The following LMBRD1 variants were observed in gnomAD, a reference collection of about 807,000 sequenced individuals.
LMBRD1 encodes LMBR1 domain containing 1, also known as lysosomal cobalamin transport escort protein LMBD1.
In LMBRD1, 64 loss-of-function variants were observed where a neutral mutation model predicts 74.8. That is an observed-to-expected ratio of 0.86 (90% CI 0.70 to 1.05). The LOEUF is 1.05. LMBRD1 is among the 50% of genes least tolerant of loss of function. The pLI, the probability that LMBRD1 is intolerant of heterozygous loss-of-function variation, is 0.00. For missense variants in LMBRD1, 652 were observed against 645.9 expected, an observed-to-expected ratio of 1.01 and a Z score of -0.10; for synonymous variants, 204 against 216.3, an observed-to-expected ratio of 0.94 and a Z score of 0.50.
At chr6:69,714,294 T>C (rs1401439479) in intron 8 of LMBRD1, among the ~76,000 whole-genome samples, 1 of 151,952 alleles carries the variant, frequency 6.6e-6, no homozygotes, top group African/African-American at 2.4e-5. Flanking sequence ...ATACAGAGGT[T>C]TTTGTAACAA....
chr6:69,712,278 G>A (rs1384665312), intron 9 of LMBRD1, among the ~76,000 whole-genome samples: 2 of 152,038 alleles, frequency 1.3e-5, no homozygotes, highest in Non-Finnish European at 2.9e-5. Flanking sequence ...TTCATTCTAG[G>A]TAATTAGGTT....
chr6:69,771,042 A>G (rs1765565488), intron 3 of LMBRD1, among the ~76,000 whole-genome samples: 1 of 152,204 alleles, frequency 6.6e-6, no homozygotes, highest in African/African-American at 2.4e-5. Context: ...TTAATATAAC[A>G]GTGATGGAGA....
chr6:69,736,028 T>C (rs1302907867), intron 7 of LMBRD1, among the ~76,000 whole-genome samples: 3 of 131,050 alleles, frequency 2.3e-5, no homozygotes, highest in Non-Finnish European at 5.3e-5. Context: ...TCTGTTCAGA[T>C]GTTAGAAACT....
At chr6:69,745,590 G>A (rs1767208305) in intron 5 of LMBRD1, among the ~76,000 whole-genome samples, 1 of 152,172 alleles carries the variant, frequency 6.6e-6, no homozygotes, top group Non-Finnish European at 1.5e-5. Flanking sequence ...GTAAGACCCA[G>A]AGTCTACTTA....
chr6:69,734,608 C>A (rs1191800577), intron 7 of LMBRD1, among the ~76,000 whole-genome samples: 1 of 152,156 alleles, frequency 6.6e-6, no homozygotes, highest in Non-Finnish European at 1.5e-5. Flanking sequence ...GTTAGCCAGG[C>A]TGGTCTCAAA....
rs555617478 is a variant in LMBRD1, at chr6:69,725,741, G to A, written c.637-6660C>T. The stretch of plus-strand genomic sequence containing the variant: ...CCACATACAAAAATCAAATCAAAAT[G>A]AATTGAAGACCTAAGATCAAAGACC... On this transcript the variant is annotated intron_variant, in intron 7 of 15. Transcript: ENST00000649934. Among the ~76,000 whole-genome samples the A allele has an allele frequency of 9.9e-5, 15 of 152,228 alleles. No homozygotes were observed. In the East Asian group the frequency reaches 2.9e-3, roughly 29 times the overall value.
intron 5 of LMBRD1, among the ~76,000 whole-genome samples, chr6:69,747,516 G>A (rs988393176): frequency 6.6e-6 from 1 of 152,180 alleles, no homozygotes; most frequent in Non-Finnish European, 1.5e-5. Flanking sequence ...CAAGTCAGCT[G>A]ACCAATTCCC....
chr6:69,699,008 T>G, intron 13 of LMBRD1, 35 bp downstream of exon 13: 1 of 1,390,118 alleles, frequency 7.2e-7, no homozygotes, highest in Non-Finnish European at 1.0e-6. Flanking sequence ...ATCTTTAAAA[T>G]ATCAAAATAA....
At chr6:69,744,381 A>C (rs1267765829) in intron 5 of LMBRD1, among the ~76,000 whole-genome samples, 1 of 152,220 alleles carries the variant, frequency 6.6e-6, no homozygotes, top group Non-Finnish European at 1.5e-5. Flanking sequence ...TTCACCAAAA[A>C]AATTTGCAAC....
intron 3 of LMBRD1, among the ~76,000 whole-genome samples, chr6:69,776,909 C>T (rs571484589): frequency 9.5e-4 from 144 of 152,288 alleles, no homozygotes; most frequent in Non-Finnish European, 1.4e-3. Flanking sequence ...AATCCCAGCA[C>T]TTTGAGACGG....
intron 3 of LMBRD1, among the ~76,000 whole-genome samples, chr6:69,762,138 C>T (rs558082026): frequency 4.2e-4 from 64 of 152,242 alleles, no homozygotes; most frequent in South Asian, 4.1e-3. Flanking sequence ...CCATTGTATG[C>T]GCATACTGCA....
intron 14 of LMBRD1, among the ~76,000 whole-genome samples, chr6:69,684,810 A>C (rs774967286): frequency 2.6e-5 from 4 of 152,140 alleles, no homozygotes; most frequent in Non-Finnish European, 5.9e-5. Flanking sequence ...GGTTCCCAGA[A>C]GGAAGTTTTC....
rs1482643002 is a variant in LMBRD1 at position 69,737,569 on chromosome 6, TTATATTA to T, written c.636+366_636+372del. 2.0e-5 allele frequency among the ~76,000 whole-genome samples: 3 copies of T among 150,482 alleles called. No individual in the cohort carries two copies. The Admixed American group carries it at 2.0e-4, about 10-fold the overall frequency. ...TATGCTTATAAATCTATTAATATGCTTATATTATATATTATATGCTTATATTATAAAT... is the reference window on the plus strand; with the variant it reads ...TATGCTTATAAATCTATTAATATGCTTATATTATATGCTTATATTATAAAT... On this transcript the variant is annotated intron_variant, in intron 7 of 15. Transcript: ENST00000649934.
intron 5 of LMBRD1, among the ~76,000 whole-genome samples, chr6:69,743,999 T>A (rs879926821): frequency 2.0e-5 from 3 of 152,058 alleles, no homozygotes; most frequent in Non-Finnish European, 4.4e-5. Flanking sequence ...TCCCAACAGA[T>A]GAAAAGGCAA....
intron 11 of LMBRD1, 92 bp downstream of exon 11, chr6:69,701,350 AT>A: frequency 1.3e-6 from 1 of 753,512 alleles, no homozygotes; most frequent in South Asian, 1.6e-5. Flanking sequence ...TAGCATAATA[AT>A]TTTATGTGCA....
chr6:69,703,228 C>CT (rs897315254), intron 9 of LMBRD1, among the ~76,000 whole-genome samples: 4 of 151,860 alleles, frequency 2.6e-5, no homozygotes, highest in African/African-American at 9.7e-5. Context: ...AGGAGTTATA[C>CT]TTTTTTTTCT....
At chr6:69,691,117 A>T (rs1765867601) in intron 14 of LMBRD1, among the ~76,000 whole-genome samples, 1 of 144,968 alleles carries the variant, frequency 6.9e-6, no homozygotes. Context: ...CATTTCCATT[A>T]TATTTAAAAA....
chr6:69,705,703 T>C (rs1160193770), intron 9 of LMBRD1: 10 of 1,056,826 alleles, frequency 9.5e-6, no homozygotes, highest in Non-Finnish European at 1.4e-5. Flanking sequence ...TTTACTTTTT[T>C]CTGTGGAACC....
rs1050671364 is a variant in LMBRD1, at chr6:69,719,070, C to T, written c.648G>A (p.Met216Ile). ...LAAITYTAYGMSALPLNLIKG... is the reference protein window; with the variant it reads ...LAAITYTAYGISALPLNLIKG... The stretch of plus-strand genomic sequence containing the variant: ...TTATCAGATTTAAAGGTAACGCAGA[C>T]ATGCCATAGGCCTAAAAGAAAAACA... Residue 216 changes from methionine to isoleucine, a missense_variant, in exon 8 of 16, where the codon ATG becomes ATA. Transcript: ENST00000649934. The T allele has an allele frequency of 6.2e-6, 10 of 1,612,762 alleles. No homozygotes were observed. Among genetic ancestry groups the T allele is most frequent in the Non-Finnish European group, 7.6e-6 (9 of 1,179,262 alleles).
Sources: allele counts gnomAD v4.1 joint callset (sites outside exome capture counted in the v4.1 genomes callset), GRCh38; gene constraint gnomAD v4.1.1; transcripts MANE v1.5; gene names NCBI Gene and HGNC (gene_info 2026-07-23, HGNC 2026-07-21).